Variants in WIPF3 observed in about 807,000 individuals in gnomAD.
The protein encoded by WIPF3 is WAS/WASL interacting protein family member 3.
WIPF3 carries 33 observed loss-of-function variants against 38.9 expected under a neutral mutation model. The observed-to-expected ratio is 0.85, with a 90% confidence interval of 0.64 to 1.14. The LOEUF (loss-of-function observed/expected upper bound fraction) is 1.14. WIPF3 is among the 50% of genes most tolerant of loss of function. WIPF3 has a pLI of 0.00. For missense variants in WIPF3, 711 were observed against 652.5 expected (o/e 1.09, Z -0.98); for synonymous variants, 324 against 269.3 (o/e 1.20, Z -1.99).
chr7:29,829,065 C>T (rs1010567912), intron 1 of WIPF3, among the ~76,000 whole-genome samples: 5 of 152,188 alleles, frequency 3.3e-5, no homozygotes, highest in African/African-American at 7.2e-5. Context: ...CTAGAACAGA[C>T]TCCTTTAGTC....
chr7:29,885,714 G>A lies in WIPF3; in HGVS notation c.1099+1121G>A, dbSNP rs116439909. Among the ~76,000 whole-genome samples, 899 of 152,258 alleles carry A rather than the reference G, an allele frequency of 5.9e-3. 10 individuals carry two copies. Among genetic ancestry groups the A allele is most frequent in the African/African-American group, 0.021 (858 of 41,552 alleles). On this transcript the variant is annotated intron_variant, in intron 5 of 8. Transcript: ENST00000242140. ...AACTATAGTCCCAGCTACTTGGGAG[G>A]CTAAGGCAGGAGGATCGTTTGAATC... is the stretch of plus-strand genomic sequence containing the variant.
intron 1 of WIPF3, among the ~76,000 whole-genome samples, chr7:29,812,756 G>A (rs1028879921): frequency 6.6e-6 from 1 of 152,184 alleles, no homozygotes; most frequent in Non-Finnish European, 1.5e-5. Flanking sequence ...TGGTTATTGA[G>A]TAGGCAGCTA....
intron 2 of WIPF3, among the ~76,000 whole-genome samples, chr7:29,861,679 T>A (rs1038996232): frequency 6.6e-6 from 1 of 152,316 alleles, no homozygotes; most frequent in Middle Eastern, 3.4e-3. Flanking sequence ...TTGTGCTTAA[T>A]AGAAGAAGAA....
intron 1 of WIPF3, among the ~76,000 whole-genome samples, chr7:29,821,720 C>A (rs745374899): frequency 2.0e-5 from 3 of 152,150 alleles, no homozygotes; most frequent in Non-Finnish European, 4.4e-5. Flanking sequence ...AACCAGTTAT[C>A]TTTTTCATTT....
At position 29,888,182 on chromosome 7, in the gene WIPF3, G is replaced by T; in HGVS notation, c.1214G>T (p.Gly405Val). ...ATAWTPTQQP[G>V]GQLRNGSLHI... is the part of the protein sequence containing the mutation. Reference sequence around the variant, plus strand: ...GCCTGGACCCCGACGCAGCAGCCTGGAGGTCAACTGCGAAATGGAAGCCTG... The same window carrying T: ...GCCTGGACCCCGACGCAGCAGCCTGTAGGTCAACTGCGAAATGGAAGCCTG... Residue 405 changes from glycine to valine, a missense_variant, in exon 6 of 9, where the codon GGA becomes GTA. Physicochemically the swap from Gly to Val is moderately radical, Grantham distance 109. Coordinates refer to ENST00000242140, the MANE Select transcript of WIPF3 (RefSeq NM_001080529.3). 6.2e-7 allele frequency: 1 copy of T among 1,612,454 alleles called. No homozygotes were observed. The highest frequency in any genetic ancestry group is 2.2e-5 in the East Asian group (1 of 44,826).
chr7:29,903,757 A>G (rs1294137581), intron 7 of WIPF3, among the ~76,000 whole-genome samples: 3 of 152,256 alleles, frequency 2.0e-5, no homozygotes, highest in African/African-American at 4.8e-5. Flanking sequence ...ACTCTGGGAT[A>G]GAAAATTGGG....
chr7:29,912,102 A>G (rs1328987017), intron 8 of WIPF3, among the ~76,000 whole-genome samples: 9 of 152,242 alleles, frequency 5.9e-5, no homozygotes, highest in African/African-American at 2.2e-4. Flanking sequence ...AACCTAATTT[A>G]AAAATGAGCA....
In WIPF3 at chr7:29,826,786, A is replaced by G. The variant is rs547342224; in HGVS notation, c.-57-7882A>G. Reference sequence around the variant, plus strand: ...TTAAATAAATGTGAGTTTAGGAGGTATGCGGCTGTCACAAAAACCACGAAA... The same window carrying G: ...TTAAATAAATGTGAGTTTAGGAGGTGTGCGGCTGTCACAAAAACCACGAAA... On this transcript the variant is annotated intron_variant, in intron 1 of 8. Transcript: ENST00000242140. Among the ~76,000 whole-genome samples, 4 of 152,342 alleles carry G rather than the reference A, an allele frequency of 2.6e-5. No homozygotes were observed. The South Asian group carries it at 8.3e-4, about 32-fold the overall frequency.
Position 29,884,288 on chromosome 7 carries a change from C to G in WIPF3, c.794C>G (p.Pro265Arg). ...CTCCCGCCCATCCCGCCCCCGCTCC[C>G]TCTGCTCCCACCTTGTGGGTATCCG... is the stretch of plus-strand genomic sequence containing the variant. The part of the protein sequence containing the change: ...LHLPPIPPPL[P>R]LLPPCGYPGL... The change falls in exon 5 of 9, where the codon CCT becomes CGT. Residue 265 changes from proline to arginine, a missense_variant. Coordinates refer to ENST00000242140, the MANE Select transcript of WIPF3 (RefSeq NM_001080529.3). 1.3e-6 allele frequency: 2 copies of G among 1,530,210 alleles called. No individual in the cohort carries two copies. The highest frequency in any genetic ancestry group is 2.5e-5 in the East Asian group (1 of 40,158). 94.8% of individuals were successfully genotyped at this position (1,530,210 alleles called of 1,614,324 possible). A position where few individuals can be genotyped will look rare whatever the true frequency, so the allele number is the denominator to read the frequency against.
Position 29,883,988 on chromosome 7 carries a change from C to T in WIPF3, c.494C>T (p.Ala165Val), listed in dbSNP as rs200642657. The change falls in exon 5 of 9, where the codon GCC becomes GTC. Residue 165 changes from alanine (A) to valine (V), a missense_variant. By Grantham distance (64) the Ala-to-Val change is moderately conservative. Transcript: ENST00000242140. ...GAGGCGCATGGCGCTGCCAGGACAG[C>T]CCCGCCTCGCCCCAACGTGCCTGCC... ...TSEAHGAART[A>V]PPRPNVPAPP... 2.1e-3 allele frequency: 3,160 copies of T among 1,534,660 alleles called. 10 individuals carry two copies. The highest frequency in any genetic ancestry group is 3.9e-3 in the Middle Eastern group (21 of 5,370).
chr7:29,847,564 T>TGATTAGACAAAGAGGGTA (rs1785020509), intron 2 of WIPF3, among the ~76,000 whole-genome samples: 1 of 152,170 alleles, frequency 6.6e-6, no homozygotes. Flanking sequence ...TGTGGAAATA[T>TGATTAGACAAAGAGGGTA]GATTAGACAA....
intron 1 of WIPF3, among the ~76,000 whole-genome samples, chr7:29,834,447 C>G (rs1484514851): frequency 6.6e-6 from 1 of 151,992 alleles, no homozygotes; most frequent in African/African-American, 2.4e-5. Flanking sequence ...GTTTTAACAC[C>G]TATTATCTCT....
chr7:29,864,290 TTC>T (rs1785349992), intron 2 of WIPF3, among the ~76,000 whole-genome samples: 1 of 152,232 alleles, frequency 6.6e-6, no homozygotes, highest in African/African-American at 2.4e-5. Flanking sequence ...CATGTGATTT[TTC>T]TTTTTTAGAC....
chr7:29,877,557 G>A (rs866482175), intron 3 of WIPF3, among the ~76,000 whole-genome samples: 3 of 152,164 alleles, frequency 2.0e-5, no homozygotes, highest in African/African-American at 7.2e-5. Context: ...AAGTACTTAT[G>A]TGTGAAGAAG....
chr7:29,901,108 A>G (rs1407297122), intron 7 of WIPF3, among the ~76,000 whole-genome samples: 1 of 152,216 alleles, frequency 6.6e-6, no homozygotes, highest in Non-Finnish European at 1.5e-5. Context: ...TCTTAAGTGC[A>G]GTAGGTGCTT....
rs929566780 is a variant in WIPF3 at position 29,857,842 on chromosome 7, C to T, written c.91-17988C>T. On this transcript the variant is annotated intron_variant, in intron 2 of 8. Coordinates refer to ENST00000242140, the MANE Select transcript of WIPF3 (RefSeq NM_001080529.3). ...ACAAAGTACAGAGAGTTCCTGTACACCCACTGCTGCCACACATGCACAGCC... is the reference window on the plus strand; with the variant it reads ...ACAAAGTACAGAGAGTTCCTGTACATCCACTGCTGCCACACATGCACAGCC... 1.6e-4 allele frequency among the ~76,000 whole-genome samples: 24 copies of T among 152,154 alleles called. 2 individuals carry two copies. The highest frequency in any genetic ancestry group is 1.3e-4 in the Non-Finnish European group (9 of 68,032).
chr7:29,821,232 T>C (rs1333470523), intron 1 of WIPF3, among the ~76,000 whole-genome samples: 2 of 152,222 alleles, frequency 1.3e-5, no homozygotes, highest in African/African-American at 4.8e-5. Flanking sequence ...ATGGCTAATA[T>C]GTCTCCAAAA....
rs951053146 is a variant in WIPF3, at chr7:29,878,911, G to A, written c.224-98G>A. On this transcript the variant is annotated intron_variant, in intron 3 of 8. Coordinates refer to ENST00000242140, the MANE Select transcript of WIPF3 (RefSeq NM_001080529.3). The surrounding 1 kb of genome is among the most constrained non-coding windows in gnomAD (Gnocchi z 4.0). ...GGTGGGAGAATGGGAAGGCTGACAA[G>A]GGCAGTGGTAGACCAGTGTTAGACC... The A allele has an allele frequency of 5.0e-5, 69 of 1,393,054 alleles. No homozygotes were observed. The highest frequency in any genetic ancestry group is 6.1e-5 in the Non-Finnish European group (63 of 1,025,048). The allele number at this position is 1,393,054 out of a possible 1,614,324, so 86.3% of individuals were successfully genotyped here. A position where few individuals can be genotyped will look rare whatever the true frequency, so the allele number is the denominator to read the frequency against.
chr7:29,812,905 C>A (rs1485280101), intron 1 of WIPF3, among the ~76,000 whole-genome samples: 3 of 152,216 alleles, frequency 2.0e-5, no homozygotes, highest in African/African-American at 7.2e-5. Flanking sequence ...ATGAAATGCA[C>A]CCAACTGCCT....
Sources: allele counts gnomAD v4.1 joint callset (sites outside exome capture counted in the v4.1 genomes callset), GRCh38; gene constraint gnomAD v4.1.1; non-coding constraint Gnocchi (gnomAD v3.1); transcripts MANE v1.5; gene names NCBI Gene and HGNC (gene_info 2026-07-23, HGNC 2026-07-21).